BCL7A: variants seen among roughly 807,000 people sequenced by gnomAD.
BCL7A encodes B-cell CLL/lymphoma 7 protein family member A.
In BCL7A, 11 loss-of-function variants were observed where a neutral mutation model predicts 28.4. The ratio of observed to expected loss-of-function variants is 0.39; its 90% CI spans 0.24 to 0.64. The LOEUF (loss-of-function observed/expected upper bound fraction) is 0.64. Ranked by LOEUF, BCL7A falls within the 30% of genes least tolerant of loss-of-function variation. The pLI is 0.50. For synonymous variants in BCL7A, 123 were observed against 103.3 expected (o/e 1.19, Z -1.15); for missense variants, 222 against 274.8 (o/e 0.81, Z 1.36).
At chr12:122,048,244 C>T (rs932274758) in intron 4 of BCL7A, among the ~76,000 whole-genome samples, 41 of 151,642 alleles carry the variant, frequency 2.7e-4, no homozygotes, top group African/African-American at 9.7e-4. Flanking sequence ...TGGGAAAGTA[C>T]ATATTTGAAG....
chr12:122,035,616 G>A (rs993674059), intron 3 of BCL7A, among the ~76,000 whole-genome samples, 189 bp downstream of exon 3: 3 of 152,212 alleles, frequency 2.0e-5, no homozygotes, highest in Admixed American at 1.3e-4. Flanking sequence ...TTTTCCCAGC[G>A]TACCAAGCCA....
chr12:122,023,920 G>C (rs1593020241), intron 1 of BCL7A, among the ~76,000 whole-genome samples: 1 of 152,224 alleles, frequency 6.6e-6, no homozygotes, highest in Admixed American at 6.5e-5. Flanking sequence ...GAAACAGCCG[G>C]CAAGCCGCCT....
chr12:122,024,067 C>A (rs1265970376), intron 1 of BCL7A, among the ~76,000 whole-genome samples: 1 of 152,226 alleles, frequency 6.6e-6, no homozygotes, highest in African/African-American at 2.4e-5. Flanking sequence ...TGGGGCTTCC[C>A]ACCCCGCGGG....
In BCL7A at chr12:122,030,864, C is replaced by T. The variant is rs540296848; in HGVS notation, c.174+83C>T. 1.0e-5 allele frequency: 14 copies of T among 1,394,920 alleles called. No homozygotes were observed. The African/African-American group carries it at 2.0e-4, about 20-fold the overall frequency. 86.4% of individuals were successfully genotyped at this position (1,394,920 alleles called of 1,614,324 possible). On this transcript the variant is annotated intron_variant, in intron 2 of 5. Coordinates refer to ENST00000261822, the MANE Select transcript of BCL7A (RefSeq NM_001024808.3). ...TGGGGAGGGAGATTGTCCACTGCTACCCACCGTGCTGGGGCTCTGGGACCA... is the reference window on the plus strand; with the variant it reads ...TGGGGAGGGAGATTGTCCACTGCTATCCACCGTGCTGGGGCTCTGGGACCA...
In BCL7A at chr12:122,060,830, C is replaced by G. The variant is rs764684471; in HGVS notation, c.*1667C>G. 8 of 224,408 alleles carry G rather than the reference C, an allele frequency of 3.6e-5. No individual in the cohort carries two copies. Among genetic ancestry groups the G allele is most frequent in the African/African-American group, 4.6e-5 (2 of 43,632 alleles). The allele number at this position is 224,408 out of a possible 1,614,324, so 13.9% of individuals were successfully genotyped here. On this transcript the variant is annotated 3_prime_UTR_variant, in exon 6 of 6. Transcript: ENST00000261822. ...GGGATCCTGTCTATTTCCTGCACTT[C>G]GAGAAGAATCAAAATGTTCCTGAAT...
At chr12:122,022,609 G>C (rs1883491083) in intron 1 of BCL7A, among the ~76,000 whole-genome samples, 1 of 145,602 alleles carries the variant, frequency 6.9e-6, no homozygotes, top group Non-Finnish European at 1.5e-5. Flanking sequence ...GAGAGCGCGA[G>C]CTCCATTGTG....
intron 1 of BCL7A, among the ~76,000 whole-genome samples, chr12:122,024,244 A>T (rs745324095): frequency 6.6e-6 from 1 of 152,314 alleles, no homozygotes; most frequent in South Asian, 2.1e-4. Context: ...TCCAGCTTCC[A>T]GTTCACTTCG....
At chr12:122,058,494 A>C (rs1355584920) in intron 5 of BCL7A, among the ~76,000 whole-genome samples, 1 of 152,076 alleles carries the variant, frequency 6.6e-6, no homozygotes, top group Non-Finnish European at 1.5e-5. Flanking sequence ...CCCCGTCTCT[A>C]CTAAAAATAC....
chr12:122,022,227 G>A (rs1466729523), intron 1 of BCL7A, 44 bp downstream of exon 1: 1 of 1,331,006 alleles, frequency 7.5e-7, no homozygotes, highest in Non-Finnish European at 9.8e-7. Flanking sequence ...CGGCCGCCCC[G>A]AGCCCGAGCG....
rs543537195 is a variant in BCL7A, at chr12:122,054,937, C to G, written c.561+11C>G. 1.2e-6 allele frequency: 2 copies of G among 1,614,144 alleles called. No individual in the cohort carries two copies. Among genetic ancestry groups the G allele is most frequent in the Non-Finnish European group, 1.7e-6 (2 of 1,180,022 alleles). ...TCTGCAATCTCTCAGGTACCTCGCTCGAGGTCTCAGAGGGGCAGCCAGATC... is the reference window on the plus strand; with the variant it reads ...TCTGCAATCTCTCAGGTACCTCGCTGGAGGTCTCAGAGGGGCAGCCAGATC... On this transcript the variant is annotated intron_variant, in intron 5 of 5. Transcript: ENST00000261822.
At position 122,059,154 on chromosome 12, in the gene BCL7A, A is replaced by C; in HGVS notation, c.624A>C (p.Glu208Asp). 6.2e-7 allele frequency: 1 copy of C among 1,611,368 alleles called. No homozygotes were observed. Among genetic ancestry groups the C allele is most frequent in the Non-Finnish European group, 8.5e-7 (1 of 1,177,452 alleles). The change falls in exon 6 of 6, where the codon GAA becomes GAC. Residue 208 changes from glutamate to aspartate, a missense_variant. This residue lies in a region of BCL7A where 155 missense variants were observed against 145.7 expected (regional missense o/e 1.06). Transcript: ENST00000261822. This position sits in a 1 kb window ranked among gnomAD's most constrained non-coding sequence, Gnocchi z 4.0. The stretch of plus-strand genomic sequence containing the variant: ...TGGAGGCCTCTCAACAAAACTCCGA[A>C]GAGATGTAGACGATGCTTTAAAGCC... ...MKLEASQQNSEEM is the reference protein window; with the variant it reads ...MKLEASQQNSDEM
chr12:122,054,982 T>C (rs1951867426), intron 5 of BCL7A, 56 bp downstream of exon 5: 3 of 1,613,262 alleles, frequency 1.9e-6, no homozygotes, highest in South Asian at 2.2e-5. Flanking sequence ...CCCATTGGGT[T>C]GTCGGGGGTA....
intron 4 of BCL7A, among the ~76,000 whole-genome samples, chr12:122,047,999 G>T (rs527690102): frequency 6.7e-6 from 1 of 148,382 alleles, no homozygotes; most frequent in Non-Finnish European, 1.5e-5. Flanking sequence ...CACCTCCCGC[G>T]TTCAAGCGAT....
rs576214969 is a variant in BCL7A at position 122,060,279 on chromosome 12, C to T, written c.*1116C>T. The T allele has an allele frequency of 4.7e-5, 11 of 233,064 alleles. No individual in the cohort carries two copies. In the East Asian group the frequency reaches 6.7e-4, roughly 14 times the overall value. 14.4% of individuals were successfully genotyped at this position (233,064 alleles called of 1,614,324 possible). A position where few individuals can be genotyped will look rare whatever the true frequency, so the allele number is the denominator to read the frequency against. ...CGTGCTTTCCTATTCTCAGGCTGTT[C>T]TGACTCTGAGCCAACAGCTGGACCG... On this transcript the variant is annotated 3_prime_UTR_variant, in exon 6 of 6. Coordinates refer to ENST00000261822, the MANE Select transcript of BCL7A (RefSeq NM_001024808.3).
chr12:122,033,378 A>G lies in BCL7A; in HGVS notation c.175-1953A>G, dbSNP rs555707557. Among the ~76,000 whole-genome samples, 68 of 152,222 alleles carry G rather than the reference A, an allele frequency of 4.5e-4. 4 individuals are homozygous for G. The South Asian group carries it at 0.014, about 32-fold the overall frequency. ...TGCCAGACTGGAGTGCAGTGGTGCA[A>G]TCTTGGCTCACTGCAACCTCCACCT... On this transcript the variant is annotated intron_variant, in intron 2 of 5. Coordinates refer to ENST00000261822, the MANE Select transcript of BCL7A (RefSeq NM_001024808.3).
intron 1 of BCL7A, among the ~76,000 whole-genome samples, chr12:122,024,785 A>C (rs1372195395): frequency 1.3e-5 from 2 of 152,212 alleles, no homozygotes; most frequent in African/African-American, 4.8e-5. Context: ...ACACACTTAT[A>C]CTAAAACATT....
At chr12:122,027,694 G>A (rs1013855083) in intron 1 of BCL7A, among the ~76,000 whole-genome samples, 3 of 151,882 alleles carry the variant, frequency 2.0e-5, no homozygotes, top group African/African-American at 4.8e-5. Context: ...AAAATTAGCC[G>A]GGCGTGGTGG....
intron 3 of BCL7A, among the ~76,000 whole-genome samples, chr12:122,035,715 C>T (rs1182201760): frequency 1.3e-5 from 2 of 152,200 alleles, no homozygotes; most frequent in Admixed American, 1.3e-4. Context: ...CTCTCAGCCT[C>T]GTGTGTCCAG....
chr12:122,056,090 GA>G (rs1006317391), intron 5 of BCL7A, among the ~76,000 whole-genome samples: 2 of 152,184 alleles, frequency 1.3e-5, no homozygotes, highest in Non-Finnish European at 2.9e-5. Flanking sequence ...TCCAGGTTCT[GA>G]TAAACATTCT....
Sources: gnomAD v4.1 joint callset for allele counts (sites outside exome capture counted in the v4.1 genomes callset) on GRCh38, gnomAD v4.1.1 for gene constraint, gnomAD v4.1.1 regional missense constraint, Gnocchi (gnomAD v3.1) non-coding constraint, MANE v1.5 for transcripts, NCBI Gene and HGNC (gene_info 2026-07-23, HGNC 2026-07-21) for gene names.